The following DNAJC24 variants were observed in gnomAD, a reference collection of about 807,000 sequenced individuals.
DNAJC24 encodes the protein DnaJ heat shock protein family (Hsp40) member C24, also known as dnaJ homolog subfamily C member 24.
A neutral mutation model predicts 18.0 loss-of-function variants in DNAJC24; 17 were observed. The observed-to-expected ratio is 0.94, with a 90% CI of 0.65 to 1.42. The LOEUF is 1.42. DNAJC24 is among the 40% of genes most tolerant of loss of function. The pLI, the probability that DNAJC24 is intolerant of heterozygous loss-of-function variation, is 0.00. For synonymous variants in DNAJC24, 55 were observed against 57.7 expected, an observed-to-expected ratio of 0.95 and a Z score of 0.21; for missense variants, 158 against 175.6, an observed-to-expected ratio of 0.90 and a Z score of 0.57.
intron 2 of DNAJC24, among the ~76,000 whole-genome samples, chr11:31,399,966 G>A (rs1240218006): frequency 6.6e-6 from 1 of 151,866 alleles, no homozygotes; most frequent in Non-Finnish European, 1.5e-5. Flanking sequence ...CTGTGTCCAT[G>A]TGTTCTCATT....
Position 31,431,563 on chromosome 11 carries a change from G to A in DNAJC24, c.*1162G>A, listed in dbSNP as rs1952924286. The A allele has an allele frequency of 6.6e-6, 1 of 151,110 alleles. No individual in the cohort carries two copies. Among genetic ancestry groups the A allele is most frequent in the Admixed American group, 6.6e-5 (1 of 15,178 alleles). 9.4% of individuals were successfully genotyped at this position (151,110 alleles called of 1,614,324 possible). ...ATGGTGGCTCACATCTGTAATCCCAGCACTTTGGGAGACTAAGGCAGGCGG... is the reference window on the plus strand; with the variant it reads ...ATGGTGGCTCACATCTGTAATCCCAACACTTTGGGAGACTAAGGCAGGCGG... On this transcript the variant is annotated 3_prime_UTR_variant, in exon 5 of 5. Coordinates refer to ENST00000465995, the MANE Select transcript of DNAJC24 (RefSeq NM_181706.5).
chr11:31,400,905 G>A (rs1425425987), intron 2 of DNAJC24, among the ~76,000 whole-genome samples: 1 of 152,176 alleles, frequency 6.6e-6, no homozygotes, highest in East Asian at 1.9e-4. Flanking sequence ...AAGAGCTTCT[G>A]TACAGCAAAA....
At chr11:31,401,094 A>G (rs1055913652) in intron 2 of DNAJC24, among the ~76,000 whole-genome samples, 1 of 152,246 alleles carries the variant, frequency 6.6e-6, no homozygotes, top group East Asian at 1.9e-4. Context: ...TTTTCAAAAG[A>G]AGATATTTAT....
chr11:31,370,826 C>A lies in DNAJC24; in HGVS notation c.78C>A (p.Asp26Glu). ...LGADPSANIS[D>E]LKQKYQKLIL... Reference sequence around the variant, plus strand: ...CAGACCCATCTGCAAATATATCAGACCTAAAACAAAAATATCAAAAACTCA... The same window carrying A: ...CAGACCCATCTGCAAATATATCAGAACTAAAACAAAAATATCAAAAACTCA... The change falls in exon 2 of 5, where the codon GAC becomes GAA. Residue 26 changes from aspartate (D) to glutamate (E), a missense_variant. Transcript: ENST00000465995. 1.9e-6 allele frequency: 3 copies of A among 1,609,910 alleles called. 1 individual carries two copies. In the South Asian group the frequency reaches 3.3e-5, roughly 18 times the overall value.
chr11:31,412,575 G>A (rs1462864988), intron 2 of DNAJC24, among the ~76,000 whole-genome samples: 4 of 152,156 alleles, frequency 2.6e-5, no homozygotes, highest in African/African-American at 9.7e-5. Context: ...CCCAACTTTA[G>A]AGATTGCCAA....
chr11:31,391,104 TATAATC>T (rs1295935608), intron 2 of DNAJC24, among the ~76,000 whole-genome samples: 2 of 152,132 alleles, frequency 1.3e-5, no homozygotes, highest in Non-Finnish European at 2.9e-5. Context: ...ATAAAAGCCA[TATAATC>T]ATTTCAATTG....
chr11:31,423,594 C>T (rs1242724008), intron 3 of DNAJC24, among the ~76,000 whole-genome samples: 2 of 152,150 alleles, frequency 1.3e-5, no homozygotes, highest in Non-Finnish European at 2.9e-5. Flanking sequence ...CCAGTTACCA[C>T]TAACTCCTCA....
At chr11:31,375,960 CTG>C (rs1191141590) in intron 2 of DNAJC24, among the ~76,000 whole-genome samples, 2 of 135,138 alleles carry the variant, frequency 1.5e-5, no homozygotes, top group Non-Finnish European at 3.4e-5. Context: ...TATAATTTGG[CTG>C]TGTCCCCACC....
chr11:31,428,182 T>A (rs1248035421), intron 4 of DNAJC24, among the ~76,000 whole-genome samples: 1 of 152,048 alleles, frequency 6.6e-6, no homozygotes, highest in Non-Finnish European at 1.5e-5. Flanking sequence ...AGCGTTATCA[T>A]CAATGTATTA....
intron 3 of DNAJC24, chr11:31,415,288 A>C (rs1189356233): frequency 5.4e-6 from 1 of 184,196 alleles, no homozygotes; most frequent in East Asian, 1.6e-4. Context: ...TTTTAATTGT[A>C]CTTTTAAGAC....
At chr11:31,415,099 A>T in intron 3 of DNAJC24, 150 bp downstream of exon 3, 3 of 812,362 alleles carry the variant, frequency 3.7e-6, no homozygotes, top group Non-Finnish European at 5.6e-6. Flanking sequence ...ATTATGCCCT[A>T]TTCTTAGCAG....
intron 2 of DNAJC24, among the ~76,000 whole-genome samples, chr11:31,383,465 A>G (rs1156269312): frequency 6.6e-6 from 1 of 152,212 alleles, no homozygotes; most frequent in Non-Finnish European, 1.5e-5. Context: ...ATATTATAAT[A>G]TTATAGGTTA....
In DNAJC24 at chr11:31,414,829, A is replaced by C. The variant is rs1952738949; in HGVS notation, c.130A>C (p.Ser44Arg). ...LILMYHPDKQ[S>R]TDVPAGTVEE... is the part of the protein sequence containing the mutation. ...TTGGCAGTATCATCCAGATAAACAA[A>C]GTACAGATGTACCAGCAGGAACAGT... The change falls in exon 3 of 5, where the codon AGT (serine) becomes CGT (arginine). Residue 44 changes from serine to arginine, a missense_variant. By Grantham distance (110) the Ser-to-Arg change is moderately radical. Transcript: ENST00000465995. 6.2e-7 allele frequency: 1 copy of C among 1,613,482 alleles called. No individual in the cohort carries two copies. Among genetic ancestry groups the C allele is most frequent in the Non-Finnish European group, 8.5e-7 (1 of 1,179,746 alleles).
chr11:31,389,910 A>G (rs1591904906), intron 2 of DNAJC24, among the ~76,000 whole-genome samples: 1 of 152,234 alleles, frequency 6.6e-6, no homozygotes, highest in Non-Finnish European at 1.5e-5. Context: ...CTGAATGATC[A>G]GTGGGTCAAT....
At chr11:31,412,704 A>G (rs2133495999) in intron 2 of DNAJC24, among the ~76,000 whole-genome samples, 1 of 152,314 alleles carries the variant, frequency 6.6e-6, no homozygotes, top group African/African-American at 2.4e-5. Context: ...AAATATCTAA[A>G]TGTTGATAAC....
intron 2 of DNAJC24, among the ~76,000 whole-genome samples, chr11:31,390,642 G>A (rs1168606973): frequency 1.3e-5 from 2 of 150,376 alleles, no homozygotes; most frequent in Non-Finnish European, 3.0e-5. Context: ...GGAGGTGGAG[G>A]TTGCAGTGAG....
At chr11:31,424,566 T>C (rs2133505135) in intron 3 of DNAJC24, among the ~76,000 whole-genome samples, 1 of 152,308 alleles carries the variant, frequency 6.6e-6, no homozygotes, top group South Asian at 2.1e-4. Context: ...ACTTGTTTTG[T>C]TCAGAAATTA....
intron 2 of DNAJC24, among the ~76,000 whole-genome samples, chr11:31,378,637 T>C (rs949248575): frequency 6.6e-6 from 1 of 152,064 alleles, no homozygotes; most frequent in South Asian, 2.1e-4. Flanking sequence ...AAGCAGGCAG[T>C]CAGTTACCTT....
At chr11:31,390,492 G>A (rs11490309) in intron 2 of DNAJC24, among the ~76,000 whole-genome samples, 2 of 150,880 alleles carry the variant, frequency 1.3e-5, no homozygotes, top group East Asian at 3.9e-4. Context: ...CGGATCACAA[G>A]GTCAAGAGAT....
Sources: allele counts gnomAD v4.1 joint callset (sites outside exome capture counted in the v4.1 genomes callset), GRCh38; gene constraint gnomAD v4.1.1; transcripts MANE v1.5; gene names NCBI Gene and HGNC (gene_info 2026-07-23, HGNC 2026-07-21).